RALGAPB: variants seen among roughly 807,000 people sequenced by gnomAD.
The protein encoded by RALGAPB is Ral GTPase activating protein non-catalytic subunit beta, also known as ral GTPase-activating protein subunit beta.
RALGAPB carries 25 observed loss-of-function variants against 161.1 expected under a neutral mutation model. The observed-to-expected ratio is 0.16, with a 90% confidence interval of 0.11 to 0.22. The LOEUF is 0.22. Among genes scored for constraint, RALGAPB ranks in the 10% least tolerant of loss-of-function variants. RALGAPB has a pLI of 1.00. For missense variants in RALGAPB, 1,391 were observed against 1,815.2 expected, an observed-to-expected ratio of 0.77 and a Z score of 4.25; for synonymous variants, 629 against 626.1, an observed-to-expected ratio of 1.00 and a Z score of -0.07.
At chr20:38,564,536 T>A (rs2087913325) in intron 24 of RALGAPB, among the ~76,000 whole-genome samples, 1 of 152,224 alleles carries the variant, frequency 6.6e-6, no homozygotes, top group Admixed American at 6.5e-5. Context: ...GAAGTACTTG[T>A]CCATTTCCCC....
Position 38,576,663 on chromosome 20 carries a change from A to G in RALGAPB, c.*1696A>G, listed in dbSNP as rs2088449016. The G allele has an allele frequency of 6.6e-6, 1 of 152,506 alleles. No homozygotes were observed. The highest frequency in any genetic ancestry group is 1.9e-4 in the East Asian group (1 of 5,190). The allele number at this position is 152,506 out of a possible 1,614,324, so 9.4% of individuals were successfully genotyped here. A position where few individuals can be genotyped will look rare whatever the true frequency, so the allele number is the denominator to read the frequency against. Reference sequence around the variant, plus strand: ...TCCAGATGGTAACATGGGAGAGGGCATATAGGATAAAGATGAGCAAATTCT... The same window carrying G: ...TCCAGATGGTAACATGGGAGAGGGCGTATAGGATAAAGATGAGCAAATTCT... On this transcript the variant is annotated 3_prime_UTR_variant, in exon 30 of 30. Coordinates refer to ENST00000262879, the MANE Select transcript of RALGAPB (RefSeq NM_020336.4).
intron 1 of RALGAPB, among the ~76,000 whole-genome samples, chr20:38,475,853 G>C (rs554457842): frequency 3.4e-4 from 52 of 152,126 alleles, no homozygotes; most frequent in Non-Finnish European, 6.0e-4. Flanking sequence ...CTGACCTTAA[G>C]TGATCTGCCT....
At chr20:38,511,154 A>G (rs1206513990) in intron 6 of RALGAPB, among the ~76,000 whole-genome samples, 1 of 152,130 alleles carries the variant, frequency 6.6e-6, no homozygotes, top group East Asian at 1.9e-4. Flanking sequence ...ACTGTTACTC[A>G]TATTCCATTA....
intron 13 of RALGAPB, 128 bp downstream of exon 13, chr20:38,526,170 C>A: frequency 1.8e-6 from 2 of 1,092,172 alleles, no homozygotes; most frequent in Non-Finnish European, 2.6e-6. Flanking sequence ...ATCAGAGGCA[C>A]AAGTTAGTTT....
chr20:38,502,020 C>CTA, intron 5 of RALGAPB, among the ~76,000 whole-genome samples: 1 of 152,160 alleles, frequency 6.6e-6, no homozygotes, highest in African/African-American at 2.4e-5. Flanking sequence ...TGCTTATAGA[C>CTA]TATATACATG....
chr20:38,521,746 A>G (rs2086296777), intron 10 of RALGAPB, 48 bp downstream of exon 10: 1 of 1,592,808 alleles, frequency 6.3e-7, no homozygotes, highest in African/African-American at 1.3e-5. Context: ...TTTGATAGTG[A>G]AGCCATTGTT....
intron 5 of RALGAPB, among the ~76,000 whole-genome samples, chr20:38,508,821 C>T (rs1024695664): frequency 1.3e-5 from 2 of 152,042 alleles, no homozygotes; most frequent in Admixed American, 6.5e-5. Flanking sequence ...TTGTGGAGTA[C>T]ATAATGATGT....
rs774343691 is a variant in RALGAPB at position 38,574,856 on chromosome 20, C to G, written c.4374C>G (p.Arg1458=). ...ACTCCTACAGTCCCCCCCATGTCCG[C>G]CGGAAACAGAAAATCACCGACATTG... is the stretch of plus-strand genomic sequence containing the variant. The part of the protein sequence containing the change: ...ESDSYSPPHV[R]RKQKITDIVN... The change falls in exon 30 of 30, where the codon CGC becomes CGG. Residue 1458 remains arginine (R), a synonymous_variant. Transcript: ENST00000262879. 1 of 1,613,670 alleles carries G rather than the reference C, an allele frequency of 6.2e-7. No homozygotes were observed. Among genetic ancestry groups the G allele is most frequent in the Non-Finnish European group, 8.5e-7 (1 of 1,179,596 alleles).
chr20:38,572,583 T>G (rs1345904273), intron 28 of RALGAPB, among the ~76,000 whole-genome samples: 1 of 152,226 alleles, frequency 6.6e-6, no homozygotes, highest in Non-Finnish European at 1.5e-5. Flanking sequence ...TAAGATGAAT[T>G]TATTCTAATA....
At chr20:38,538,667 TACTC>T (rs1351976903) in intron 16 of RALGAPB, among the ~76,000 whole-genome samples, 2 of 152,068 alleles carry the variant, frequency 1.3e-5, no homozygotes, top group South Asian at 2.1e-4. Flanking sequence ...ATGAAAAAAA[TACTC>T]AATATCATTA....
intron 4 of RALGAPB, among the ~76,000 whole-genome samples, chr20:38,499,097 C>A (rs1354130755): frequency 6.6e-6 from 1 of 152,166 alleles, no homozygotes; most frequent in African/African-American, 2.4e-5. Flanking sequence ...TTTGTATGAA[C>A]TATTTGGCAT....
In RALGAPB at chr20:38,517,766, C is replaced by T. The variant is rs2086174808; in HGVS notation, c.1201-18C>T. 6.2e-7 allele frequency: 1 copy of T among 1,606,722 alleles called. No homozygotes were observed. The highest frequency in any genetic ancestry group is 1.3e-5 in the African/African-American group (1 of 74,822). ...GACTTTTCATTGGTATGGGTGTATTCTTGTGTTCGTCTAATAGGTTAGTAC... is the reference window on the plus strand; with the variant it reads ...GACTTTTCATTGGTATGGGTGTATTTTTGTGTTCGTCTAATAGGTTAGTAC... On this transcript the variant is annotated intron_variant, in intron 8 of 29. Coordinates refer to ENST00000262879, the MANE Select transcript of RALGAPB (RefSeq NM_020336.4).
At chr20:38,542,816 A>G (rs2087015363) in intron 18 of RALGAPB, among the ~76,000 whole-genome samples, 1 of 150,990 alleles carries the variant, frequency 6.6e-6, no homozygotes, top group African/African-American at 2.4e-5. Flanking sequence ...CGGAGGTTGC[A>G]GTGAGCCGAG....
rs745388897 is a variant in RALGAPB at position 38,535,043 on chromosome 20, T to G, written c.2246-31T>G. ...CTAATGCTTAGTTGTTTTCCCTCCC[T>G]GTGGGATGTGGCATTGGGGTTATAT... On this transcript the variant is annotated intron_variant, in intron 15 of 29. Coordinates refer to ENST00000262879, the MANE Select transcript of RALGAPB (RefSeq NM_020336.4). The G allele has an allele frequency of 1.2e-5, 19 of 1,609,154 alleles. No individual in the cohort carries two copies. The South Asian group carries it at 1.4e-4, about 12-fold the overall frequency.
At chr20:38,482,737 T>C (rs2122834146) in intron 1 of RALGAPB, among the ~76,000 whole-genome samples, 1 of 152,302 alleles carries the variant, frequency 6.6e-6, no homozygotes, top group East Asian at 1.9e-4. Context: ...TGTATGTGTT[T>C]ATCTGGTTGT....
In RALGAPB at chr20:38,569,938, T is replaced by A. The variant is rs1314801492; in HGVS notation, c.4005T>A (p.Pro1335=). Residue 1335 remains proline (P), a synonymous_variant, in exon 27 of 30, where the codon CCT becomes CCA. Transcript: ENST00000262879. ...AGCTGCCTCAGGGTCGCCCTGTTCC[T>A]CCCCTTGGACCTGAGACAAGAGTTT... The part of the protein sequence containing the change: ...MRKLPQGRPV[P]PLGPETRVSV... 6.2e-7 allele frequency: 1 copy of A among 1,613,682 alleles called. No individual in the cohort carries two copies. The highest frequency in any genetic ancestry group is 1.7e-5 in the Admixed American group (1 of 59,960).
chr20:38,477,273 A>T (rs1204668771), intron 1 of RALGAPB, among the ~76,000 whole-genome samples: 1 of 152,214 alleles, frequency 6.6e-6, no homozygotes, highest in Non-Finnish European at 1.5e-5. Flanking sequence ...AGTTACATGA[A>T]ATAGCTGCTG....
chr20:38,532,927 A>G (rs771124377), intron 15 of RALGAPB, 68 bp downstream of exon 15: 24 of 1,472,650 alleles, frequency 1.6e-5, no homozygotes, highest in Non-Finnish European at 2.1e-5. Context: ...TTATAAAACA[A>G]AAACATTAAA....
At chr20:38,552,339 C>T (rs918940507) in intron 21 of RALGAPB, among the ~76,000 whole-genome samples, 1 of 152,106 alleles carries the variant, frequency 6.6e-6, no homozygotes, top group Admixed American at 6.5e-5. Context: ...CGGGATTTCA[C>T]CATGTTGGCC....
Sources: allele counts gnomAD v4.1 joint callset (sites outside exome capture counted in the v4.1 genomes callset), GRCh38; gene constraint gnomAD v4.1.1; transcripts MANE v1.5; gene names NCBI Gene and HGNC (gene_info 2026-07-23, HGNC 2026-07-21).